Variants in CAST observed in about 807,000 individuals in gnomAD.
CAST encodes MIR583 host.
A neutral mutation model predicts 119.6 loss-of-function variants in CAST; 76 were observed. The ratio of observed to expected loss-of-function variants is 0.64; its 90% CI spans 0.53 to 0.77. CAST has a LOEUF of 0.77. Ranked by LOEUF, CAST falls within the 30% of genes least tolerant of loss-of-function variation. CAST has a pLI of 0.00. For synonymous variants in CAST, 319 were observed against 331.6 expected (o/e 0.96, Z 0.41); for missense variants, 953 against 946.5 (o/e 1.01, Z -0.09).
chr5:96,156,982 A>T, the CAST span, among the ~76,000 whole-genome samples: 1 of 152,232 alleles, frequency 6.6e-6, no homozygotes, highest in Admixed American at 6.5e-5. Context: ...ATATGTTATA[A>T]AACTTTATAT....
chr5:96,310,027 A>C, the CAST span, among the ~76,000 whole-genome samples: 12 of 152,350 alleles, frequency 7.9e-5, no homozygotes, highest in African/African-American at 2.9e-4. Flanking sequence ...AAAGGGTTCC[A>C]GTTTTTCACC....
chr5:96,702,736 G>A, intron 3 of CAST: 4 of 982,622 alleles, frequency 4.1e-6, no homozygotes, highest in Non-Finnish European at 4.8e-6. Flanking sequence ...TCCCGGGGCG[G>A]GGCCGCCGGG....
At chr5:96,130,448 G>GAA in the CAST span, among the ~76,000 whole-genome samples, 5 of 79,372 alleles carry the variant, frequency 6.3e-5, no homozygotes, top group East Asian at 1.2e-3. Flanking sequence ...AAGGACATTA[G>GAA]GAAAAAAAAA....
the CAST span, among the ~76,000 whole-genome samples, chr5:96,476,569 C>T: frequency 3.3e-5 from 5 of 152,058 alleles, no homozygotes; most frequent in African/African-American, 9.7e-5. Flanking sequence ...GCTTTTACAC[C>T]CAAACACATG....
At chr5:96,702,045 A>G (rs1753970923) in intron 3 of CAST, among the ~76,000 whole-genome samples, 1 of 152,250 alleles carries the variant, frequency 6.6e-6, no homozygotes, top group Non-Finnish European at 1.5e-5. Flanking sequence ...ATCATTTGTC[A>G]TGACTCGACA....
chr5:96,573,303 T>G (rs1453001171), intron 1 of CAST, among the ~76,000 whole-genome samples: 1 of 152,132 alleles, frequency 6.6e-6, no homozygotes, highest in Non-Finnish European at 1.5e-5. Flanking sequence ...GTTTTATTTT[T>G]TATGCTTTGT....
the CAST span, among the ~76,000 whole-genome samples, chr5:96,453,367 A>G: frequency 2.6e-5 from 4 of 152,238 alleles, no homozygotes; most frequent in Non-Finnish European, 4.4e-5. Flanking sequence ...TATTTTCCAG[A>G]TTAGCTTTAT....
the CAST span, among the ~76,000 whole-genome samples, chr5:96,364,633 G>A: frequency 8.5e-5 from 13 of 152,202 alleles, no homozygotes; most frequent in Admixed American, 8.5e-4. Context: ...AGTATTCTCT[G>A]ATGGTAGTTT....
At chr5:96,003,956 T>C in the CAST span, among the ~76,000 whole-genome samples, 1 of 152,210 alleles carries the variant, frequency 6.6e-6, no homozygotes, top group African/African-American at 2.4e-5. Flanking sequence ...CTTTTTTTCA[T>C]ACTCATAAAT....
At chr5:96,751,686 G>A (rs1251571084) in intron 20 of CAST, among the ~76,000 whole-genome samples, 1 of 152,190 alleles carries the variant, frequency 6.6e-6, no homozygotes, top group Non-Finnish European at 1.5e-5. Context: ...CAAAGAGGCT[G>A]TGATTGGAGT....
the CAST span, among the ~76,000 whole-genome samples, chr5:96,289,845 G>T: frequency 6.6e-6 from 1 of 151,946 alleles, no homozygotes; most frequent in Non-Finnish European, 1.5e-5. Flanking sequence ...CCTCAGTAGC[G>T]TTTGTCTTAT....
chr5:96,009,161 C>A, the CAST span, among the ~76,000 whole-genome samples: 1 of 152,156 alleles, frequency 6.6e-6, no homozygotes, highest in East Asian at 1.9e-4. Flanking sequence ...TTTATGGCTG[C>A]GTAGTATTCC....
At chr5:96,421,277 G>A in the CAST span, among the ~76,000 whole-genome samples, 1 of 152,170 alleles carries the variant, frequency 6.6e-6, no homozygotes, top group Non-Finnish European at 1.5e-5. Flanking sequence ...TCTGGGAGTC[G>A]GGTGCTGTCT....
At chr5:96,728,917 A>T in intron 6 of CAST, 1 of 473,980 alleles carries the variant, frequency 2.1e-6, no homozygotes, top group Non-Finnish European at 3.8e-6. Flanking sequence ...CAGATGAAAT[A>T]CTGAATTTTT....
At chr5:96,714,545 A>T (rs1242972965) in intron 3 of CAST, 2 of 152,194 alleles carry the variant, frequency 1.3e-5, no homozygotes, top group Non-Finnish European at 2.9e-5. Context: ...GGCTTATGTA[A>T]ATCCTCACCT....
chr5:96,230,414 A>G, the CAST span, among the ~76,000 whole-genome samples: 1 of 152,164 alleles, frequency 6.6e-6, no homozygotes, highest in Non-Finnish European at 1.5e-5. Flanking sequence ...CCACCGCATA[A>G]TCCTAATAAT....
chr5:95,966,709 A>T, the CAST span, among the ~76,000 whole-genome samples: 2 of 152,242 alleles, frequency 1.3e-5, no homozygotes, highest in East Asian at 3.8e-4. Flanking sequence ...TATTGAATAC[A>T]CATGCACGTT....
At chr5:96,662,942 G>A in intron 1 of CAST, 4 of 588,852 alleles carry the variant, frequency 6.8e-6, no homozygotes, top group South Asian at 2.1e-5. Context: ...CAAATTGGGC[G>A]GGCGAGGAGG....
chr5:96,710,531 A>G (rs998198939), intron 3 of CAST, among the ~76,000 whole-genome samples: 3 of 152,084 alleles, frequency 2.0e-5, no homozygotes, highest in Non-Finnish European at 2.9e-5. Flanking sequence ...ACTACTGCCT[A>G]TAAATAATTC....
Sources: gnomAD v4.1 joint callset for allele counts (sites outside exome capture counted in the v4.1 genomes callset) on GRCh38, gnomAD v4.1.1 for gene constraint, MANE v1.5 for transcripts, NCBI Gene and HGNC (gene_info 2026-07-23, HGNC 2026-07-21) for gene names.